CMIP: variants seen among roughly 807,000 people sequenced by gnomAD.
The protein encoded by CMIP is C-Maf-inducing protein.
CMIP carries 13 observed loss-of-function variants against 97.3 expected under a neutral mutation model. The ratio of observed to expected loss-of-function variants is 0.13; its 90% confidence interval spans 0.09 to 0.21. The LOEUF is 0.21. Ranked by LOEUF, CMIP falls within the 10% of genes least tolerant of loss-of-function variation. The pLI, the probability that CMIP is intolerant of heterozygous loss-of-function variation, is 1.00. For synonymous variants in CMIP, 538 were observed against 436.3 expected (o/e 1.23, Z -2.91); for missense variants, 847 against 1,024.9 (o/e 0.83, Z 2.37).
In CMIP at chr16:81,504,192, C is replaced by T. The variant is rs532526616; in HGVS notation, c.300+58651C>T. 4.0e-5 allele frequency among the ~76,000 whole-genome samples: 6 copies of T among 151,736 alleles called. 1 individual carries two copies. Among genetic ancestry groups the T allele is most frequent in the Admixed American group, 6.6e-5 (1 of 15,246 alleles). ...AATACAAAAATTAGCCTGGCGTGGTCGTGGGCGCCAGTAATCCCAAGTACT... is the reference window on the plus strand; with the variant it reads ...AATACAAAAATTAGCCTGGCGTGGTTGTGGGCGCCAGTAATCCCAAGTACT... On this transcript the variant is annotated intron_variant, in intron 1 of 20. Coordinates refer to ENST00000537098, the MANE Select transcript of CMIP (RefSeq NM_198390.3).
rs926075465 is a variant in CMIP, at chr16:81,476,003, G to C, written c.300+30462G>C. The C allele has an allele frequency of 4.0e-5, 21 of 522,234 alleles. No homozygotes were observed. In the Admixed American group the frequency reaches 5.4e-4, roughly 14 times the overall value. 32.4% of individuals were successfully genotyped at this position (522,234 alleles called of 1,614,324 possible). A position where few individuals can be genotyped will look rare whatever the true frequency, so the allele number is the denominator to read the frequency against. The stretch of plus-strand genomic sequence containing the variant: ...CTCCTTCTCAAAAAAAAAAAAAAAA[G>C]ATAAAACATAAGTCAAACTTTATTC... On this transcript the variant is annotated intron_variant, in intron 1 of 20. Transcript: ENST00000537098.
chr16:81,525,379 G>A (rs1291543324), intron 1 of CMIP, among the ~76,000 whole-genome samples: 1 of 152,054 alleles, frequency 6.6e-6, no homozygotes, highest in Non-Finnish European at 1.5e-5. Flanking sequence ...CTGACCTCAG[G>A]TGATCCGTGC....
chr16:81,703,784 C>T (rs557004173), intron 17 of CMIP, 155 bp from the exon 18 acceptor site: 11 of 1,025,822 alleles, frequency 1.1e-5, no homozygotes, highest in South Asian at 3.3e-5. Context: ...CCCATCCCAC[C>T]GAGCTGTGCC....
intron 10 of CMIP, 200 bp from the exon 11 acceptor site, chr16:81,691,574 CA>C: frequency 1.6e-6 from 1 of 612,162 alleles, no homozygotes; most frequent in Non-Finnish European, 2.9e-6. Flanking sequence ...GAAGTCTCTG[CA>C]CAGGCCCAGT....
chr16:81,696,452 T>C, intron 13 of CMIP, 108 bp from the exon 14 acceptor site: 1 of 1,105,318 alleles, frequency 9.0e-7, no homozygotes, highest in Non-Finnish European at 1.3e-6. Context: ...GCGGGTTTCT[T>C]GACTGCAGGA....
At chr16:81,455,358 G>A (rs1319521640) in intron 1 of CMIP, among the ~76,000 whole-genome samples, 2 of 152,196 alleles carry the variant, frequency 1.3e-5, no homozygotes, top group East Asian at 1.9e-4. Context: ...CCATTTTACC[G>A]ATGGGGACAC....
At chr16:81,584,383 A>G (rs1567594085) in intron 1 of CMIP, among the ~76,000 whole-genome samples, 2 of 152,218 alleles carry the variant, frequency 1.3e-5, no homozygotes, top group Non-Finnish European at 2.9e-5. Context: ...GTGAGTCTGA[A>G]GCGTAGGAAG....
At position 81,501,034 on chromosome 16, in the gene CMIP, A is replaced by C. The variant is rs2089600536; in HGVS notation, c.300+55493A>C. ...AAATCTGGTGGTTATCCTTTGGAAA[A>C]TAAGCAAAGGCAAACCACTTCCTGC... is the stretch of plus-strand genomic sequence containing the variant. On this transcript the variant is annotated intron_variant, in intron 1 of 20. Coordinates refer to ENST00000537098, the MANE Select transcript of CMIP (RefSeq NM_198390.3). Among the ~76,000 whole-genome samples, 5 of 152,222 alleles carry C rather than the reference A, an allele frequency of 3.3e-5. No homozygotes were observed. In the South Asian group the frequency reaches 1.0e-3, roughly 32 times the overall value.
At chr16:81,703,614 G>GAC (rs148131414) in intron 17 of CMIP, among the ~76,000 whole-genome samples, 7 of 151,242 alleles carry the variant, frequency 4.6e-5, no homozygotes, top group South Asian at 2.1e-4. Context: ...CACACACACA[G>GAC]ACACACACAC....
intron 15 of CMIP, 67 bp downstream of exon 15, chr16:81,699,868 C>A: frequency 8.9e-7 from 1 of 1,124,436 alleles, no homozygotes; most frequent in Non-Finnish European, 1.3e-6. Context: ...GCCGATAGAG[C>A]ATCTGCTGGG....
At chr16:81,456,454 C>G (rs1180949487) in intron 1 of CMIP, among the ~76,000 whole-genome samples, 2 of 152,178 alleles carry the variant, frequency 1.3e-5, no homozygotes, top group Admixed American at 6.5e-5. Context: ...CACAGGAACC[C>G]TGGCAGCAAG....
At chr16:81,542,365 C>G (rs1211907001) in intron 1 of CMIP, among the ~76,000 whole-genome samples, 1 of 152,124 alleles carries the variant, frequency 6.6e-6, no homozygotes, top group African/African-American at 2.4e-5. Context: ...TTTCTTGAGT[C>G]CCAGTTGTAT....
At chr16:81,499,344 C>G (rs1361177595) in intron 1 of CMIP, among the ~76,000 whole-genome samples, 3 of 152,242 alleles carry the variant, frequency 2.0e-5, no homozygotes, top group Non-Finnish European at 4.4e-5. Context: ...ACACACACCA[C>G]TTGCACACCC....
chr16:81,550,011 G>A (rs182182781), intron 1 of CMIP, among the ~76,000 whole-genome samples: 11 of 152,358 alleles, frequency 7.2e-5, no homozygotes, highest in East Asian at 1.9e-4. Context: ...ACCCGTGTGC[G>A]TGGGCAAATG....
chr16:81,503,828 C>T (rs1309411253), intron 1 of CMIP, among the ~76,000 whole-genome samples: 3 of 152,252 alleles, frequency 2.0e-5, no homozygotes, highest in African/African-American at 4.8e-5. Flanking sequence ...GATCCCTGAG[C>T]GGATCACCAG....
At chr16:81,586,943 TG>T (rs1384183726) in intron 1 of CMIP, among the ~76,000 whole-genome samples, 10 of 152,206 alleles carry the variant, frequency 6.6e-5, no homozygotes, top group Non-Finnish European at 4.4e-5. Flanking sequence ...GATTCAAATC[TG>T]GGGTGTTCCG....
Position 81,490,849 on chromosome 16 carries a change from A to G in CMIP, c.300+45308A>G, listed in dbSNP as rs2089394300. 1.3e-5 allele frequency among the ~76,000 whole-genome samples: 2 copies of G among 152,150 alleles called. 1 individual carries two copies. Among genetic ancestry groups the G allele is most frequent in the Admixed American group, 1.3e-4 (2 of 15,276 alleles). On this transcript the variant is annotated intron_variant, in intron 1 of 20. Coordinates refer to ENST00000537098, the MANE Select transcript of CMIP (RefSeq NM_198390.3). ...CAGGCCCCAAGGAGGACACGGAGGC[A>G]TAGGGAGCACTTGAGATGGGGCAGG...
chr16:81,571,784 C>A (rs777937832), intron 1 of CMIP, among the ~76,000 whole-genome samples: 2 of 152,104 alleles, frequency 1.3e-5, no homozygotes, highest in Non-Finnish European at 2.9e-5. Flanking sequence ...TACCCTGCCT[C>A]GACCGTGCGC....
chr16:81,660,831 C>A, intron 5 of CMIP, 53 bp from the exon 6 acceptor site: 2 of 1,602,404 alleles, frequency 1.2e-6, no homozygotes, highest in South Asian at 1.1e-5. Context: ...TGTTCGAAGT[C>A]TTTCCGTGGC....
Sources: allele counts gnomAD v4.1 joint callset (sites outside exome capture counted in the v4.1 genomes callset), GRCh38; gene constraint gnomAD v4.1.1; transcripts MANE v1.5; gene names NCBI Gene and HGNC (gene_info 2026-07-23, HGNC 2026-07-21).